The following VPS13A variants were observed in gnomAD, a reference collection of about 807,000 sequenced individuals.
VPS13A encodes vacuolar protein sorting 13 homolog A.
A neutral mutation model predicts 390.9 loss-of-function variants in VPS13A; 264 were observed. The observed-to-expected ratio is 0.68, with a 90% CI of 0.61 to 0.75. The LOEUF is 0.75. Ranked by LOEUF, VPS13A falls within the 30% of genes least tolerant of loss-of-function variation. VPS13A has a pLI of 0.00. For missense variants in VPS13A, 3,409 were observed against 3,733.9 expected, an observed-to-expected ratio of 0.91 and a Z score of 2.27; for synonymous variants, 1,231 against 1,227.1, an observed-to-expected ratio of 1.00 and a Z score of -0.07.
intron 68 of VPS13A, among the ~76,000 whole-genome samples, chr9:77,384,316 T>C (rs1833588848): frequency 6.6e-6 from 1 of 151,838 alleles, no homozygotes; most frequent in Non-Finnish European, 1.5e-5. Context: ...ATTAGAGAAA[T>C]AGAATGGTAA....
intron 34 of VPS13A, among the ~76,000 whole-genome samples, chr9:77,306,165 A>G (rs376679775): frequency 6.6e-5 from 10 of 152,228 alleles, no homozygotes; most frequent in African/African-American, 2.4e-4. Context: ...TGTATAAGGT[A>G]CACATGGACT....
chr9:77,218,147 T>C (rs528994857), intron 10 of VPS13A, among the ~76,000 whole-genome samples: 99 of 147,210 alleles, frequency 6.7e-4, no homozygotes, highest in African/African-American at 2.5e-3. Flanking sequence ...AGAGTCTTGC[T>C]CTGTCTCCCG....
At chr9:77,267,937 T>G (rs1002663470) in intron 23 of VPS13A, among the ~76,000 whole-genome samples, 5 of 152,198 alleles carry the variant, frequency 3.3e-5, no homozygotes, top group African/African-American at 9.6e-5. Flanking sequence ...CCGCCCAATT[T>G]GAACTTCCAG....
chr9:77,266,712 T>C (rs1354200674), intron 23 of VPS13A, among the ~76,000 whole-genome samples: 3 of 152,164 alleles, frequency 2.0e-5, no homozygotes, highest in Non-Finnish European at 2.9e-5. Flanking sequence ...TGGCCTATCT[T>C]GCTAGGTTGG....
At position 77,314,118 on chromosome 9, in the gene VPS13A, A is replaced by G. The variant is rs1433585299; in HGVS notation, c.4241A>G (p.Gln1414Arg). The G allele has an allele frequency of 1.2e-6, 2 of 1,612,888 alleles. No individual in the cohort carries two copies. Among genetic ancestry groups the G allele is most frequent in the Non-Finnish European group, 1.7e-6 (2 of 1,179,392 alleles). The change falls in exon 36 of 72, where the codon CAG becomes CGG. Residue 1414 changes from glutamine (Q) to arginine (R), a missense_variant and splice_region_variant. By Grantham distance (43) the Gln-to-Arg change is conservative (BLOSUM62 1). Coordinates refer to ENST00000360280, the MANE Select transcript of VPS13A (RefSeq NM_033305.3). ...GTGCTGTATAGTCCAGGTCCTAAAC[A>G]GGTAAGTCCAGGAAGAAAAGAAAAT... Reference protein sequence around the residue: ...TMVLYSPGPKQASFTDVRDPS... With the variant: ...TMVLYSPGPKRASFTDVRDPS...
At chr9:77,202,888 T>G (rs1404874909) in intron 3 of VPS13A, among the ~76,000 whole-genome samples, 1 of 152,144 alleles carries the variant, frequency 6.6e-6, no homozygotes, top group Admixed American at 6.5e-5. Context: ...TTTAAAAATA[T>G]CACTGTTTTT....
Position 77,383,484 on chromosome 9 carries a change from C to T in VPS13A, c.9189+1397C>T, listed in dbSNP as rs184866436. Among the ~76,000 whole-genome samples, 26 of 152,022 alleles carry T rather than the reference C, an allele frequency of 1.7e-4. No individual in the cohort carries two copies. In the East Asian group the frequency reaches 3.5e-3, roughly 20 times the overall value. On this transcript the variant is annotated intron_variant, in intron 68 of 71. Transcript: ENST00000360280. ...CAATACCTGCCTTCCCTTGTTAGAA[C>T]GCATTTAACAAGTTACTAACATTTT... is the stretch of plus-strand genomic sequence containing the variant.
Position 77,213,251 on chromosome 9 carries a change from C to T in VPS13A, c.633C>T (p.Asn211=), listed in dbSNP as rs1210963659. The change falls in exon 9 of 72, where the codon AAC becomes AAT. Residue 211 remains asparagine, a synonymous_variant. Transcript: ENST00000360280. ...KLVRKLIRLD[N]LFAYWNVKSQ... ...ATTTTCAGTTAATCCGATTGGATAA[C>T]CTGTTTGCCTATTGGAATGTGAAGT... 6.8e-6 allele frequency: 11 copies of T among 1,613,332 alleles called. No homozygotes were observed. Among genetic ancestry groups the T allele is most frequent in the Non-Finnish European group, 9.3e-6 (11 of 1,179,764 alleles).
chr9:77,403,364 A>T, intron 69 of VPS13A, 43 bp downstream of exon 69: 4 of 1,439,550 alleles, frequency 2.8e-6, no homozygotes, highest in Non-Finnish European at 3.9e-6. Flanking sequence ...TAAGGGGTTA[A>T]CTGACAGCGA....
At chr9:77,403,700 G>C (rs1037167252) in intron 69 of VPS13A, among the ~76,000 whole-genome samples, 3 of 152,136 alleles carry the variant, frequency 2.0e-5, no homozygotes, top group Admixed American at 1.3e-4. Flanking sequence ...ATAGATTGAC[G>C]TAAGTGGATA....
intron 31 of VPS13A, among the ~76,000 whole-genome samples, chr9:77,290,646 C>T (rs1212607314): frequency 6.6e-6 from 1 of 152,066 alleles, no homozygotes; most frequent in Admixed American, 6.6e-5. Context: ...TTCTTAGTGC[C>T]TTTTAATTCA....
Position 77,420,005 on chromosome 9 carries a change from T to G in VPS13A, c.*3999T>G, listed in dbSNP as rs1249913075. The G allele has an allele frequency of 6.6e-6, 1 of 152,250 alleles. No homozygotes were observed. Among genetic ancestry groups the G allele is most frequent in the African/African-American group, 2.4e-5 (1 of 41,466 alleles). The allele number at this position is 152,250 out of a possible 1,614,324, so 9.4% of individuals were successfully genotyped here. On this transcript the variant is annotated 3_prime_UTR_variant, in exon 72 of 72. Transcript: ENST00000360280. ...AGTAGAAAATGTAAATAACTTACAT[T>G]CTGTATGCAGGACTCAATACAGACT...
In VPS13A at chr9:77,280,205, A is replaced by G. The variant is rs1185492853; in HGVS notation, c.2871A>G (p.Thr957=). ...ATTTGGTTACAACCCTGGATAACAC[A>G]ATGGAAGACCTGTTAACGCTGGAAT... ...PVYLVTTLDN[T]MEDLLTLEYV... is the part of the protein sequence containing the mutation. Residue 957 remains threonine, a synonymous_variant, in exon 27 of 72, where the codon ACA becomes ACG. Coordinates refer to ENST00000360280, the MANE Select transcript of VPS13A (RefSeq NM_033305.3). 2 of 1,612,884 alleles carry G rather than the reference A, an allele frequency of 1.2e-6. No homozygotes were observed. The highest frequency in any genetic ancestry group is 3.3e-5 in the Admixed American group (2 of 59,998).
chr9:77,270,250 T>C (rs993805438), intron 23 of VPS13A, among the ~76,000 whole-genome samples: 3 of 152,180 alleles, frequency 2.0e-5, no homozygotes, highest in African/African-American at 7.2e-5. Flanking sequence ...TTTAATAAAT[T>C]ATTGATATAA....
At chr9:77,376,587 A>G (rs772549228) in intron 67 of VPS13A, among the ~76,000 whole-genome samples, 3 of 152,336 alleles carry the variant, frequency 2.0e-5, no homozygotes, top group East Asian at 1.9e-4. Context: ...TAAAGTTTTT[A>G]TGTGTAGTAC....
At chr9:77,277,545 T>C (rs567741427) in intron 26 of VPS13A, among the ~76,000 whole-genome samples, 1 of 152,320 alleles carries the variant, frequency 6.6e-6, no homozygotes, top group East Asian at 1.9e-4. Context: ...TGGAGTAGTT[T>C]CACTGCCCTA....
chr9:77,190,596 A>C (rs1166345039), intron 1 of VPS13A, among the ~76,000 whole-genome samples: 1 of 152,200 alleles, frequency 6.6e-6, no homozygotes, highest in Non-Finnish European at 1.5e-5. Flanking sequence ...CATAAAATAA[A>C]ATGAGTTAGG....
intron 46 of VPS13A, among the ~76,000 whole-genome samples, chr9:77,334,172 G>A (rs918310018): frequency 1.3e-5 from 2 of 152,188 alleles, no homozygotes; most frequent in African/African-American, 4.8e-5. Context: ...AAAGCATAGT[G>A]TTAAAAGGAA....
chr9:77,250,265 G>A, intron 21 of VPS13A, 36 bp downstream of exon 21: 1 of 1,609,324 alleles, frequency 6.2e-7, no homozygotes, highest in Non-Finnish European at 8.5e-7. Context: ...GATTGATTTT[G>A]TTGAAGTGAT....
Sources: allele counts gnomAD v4.1 joint callset (sites outside exome capture counted in the v4.1 genomes callset), GRCh38; gene constraint gnomAD v4.1.1; transcripts MANE v1.5; gene names NCBI Gene and HGNC (gene_info 2026-07-23, HGNC 2026-07-21).